The following PAN3 variants were observed in gnomAD, a reference collection of about 807,000 sequenced individuals.
PAN3 encodes poly(A) specific ribonuclease subunit PAN3, also known as PAN2-PAN3 deadenylation complex subunit PAN3.
In PAN3, 19 loss-of-function variants were observed where a neutral mutation model predicts 96.2. The observed-to-expected ratio is 0.20, with a 90% confidence interval of 0.14 to 0.29. The LOEUF (loss-of-function observed/expected upper bound fraction) is 0.29. Ranked by LOEUF, PAN3 falls within the 10% of genes least tolerant of loss-of-function variation. The probability of loss-of-function intolerance (pLI) is 1.00; values close to 1 mark genes in which losing one functional copy is unlikely to be tolerated. For missense variants in PAN3, 882 were observed against 1,108.1 expected (o/e 0.80, Z 2.90); for synonymous variants, 433 against 406.6 (o/e 1.06, Z -0.78).
At position 28,292,434 on chromosome 13, in the gene PAN3, G is replaced by T; in HGVS notation, c.2576G>T (p.Ser859Ile). 6.2e-7 allele frequency: 1 copy of T among 1,611,966 alleles called. No homozygotes were observed. Among genetic ancestry groups the T allele is most frequent in the Non-Finnish European group, 8.5e-7 (1 of 1,179,256 alleles). The change falls in exon 19 of 19, where the codon AGT (serine) becomes ATT (isoleucine). Residue 859 changes from serine (S) to isoleucine (I), a missense_variant. Around this residue, in one of 3 missense-constraint regions of PAN3, gnomAD observed 76 missense variants for 171.7 expected, o/e 0.44. Transcript: ENST00000380958. ...KISLISRDEK[S>I]VLVVTYSDLK... ...AGCCTGATTTCCAGAGATGAGAAGA[G>T]TGTACTTGTGGTGACCTACAGTGAC... is the stretch of plus-strand genomic sequence containing the variant.
intron 1 of PAN3, among the ~76,000 whole-genome samples, chr13:28,143,176 A>C (rs925633611): frequency 2.0e-5 from 3 of 151,512 alleles, no homozygotes; most frequent in Admixed American, 6.6e-5. Flanking sequence ...TTGGACTCCA[A>C]CTCCTGGGCT....
intron 8 of PAN3, 85 bp downstream of exon 8, chr13:28,260,636 C>T: frequency 9.1e-7 from 1 of 1,102,984 alleles, no homozygotes; most frequent in Non-Finnish European, 1.3e-6. Context: ...CTTTTCAAAT[C>T]ATATTATTTA....
chr13:28,286,015 G>A (rs878919257), intron 17 of PAN3, among the ~76,000 whole-genome samples: 1 of 152,078 alleles, frequency 6.6e-6, no homozygotes, highest in Admixed American at 6.5e-5. Flanking sequence ...CTGTCCATTT[G>A]TATTAAAAAT....
intron 1 of PAN3, among the ~76,000 whole-genome samples, chr13:28,170,573 A>G (rs1266829061): frequency 6.6e-6 from 1 of 152,194 alleles, no homozygotes; most frequent in Non-Finnish European, 1.5e-5. Context: ...AAAGCATTTA[A>G]AATCAAAATG....
intron 7 of PAN3, among the ~76,000 whole-genome samples, chr13:28,260,144 C>T (rs959675455): frequency 2.6e-5 from 4 of 151,992 alleles, no homozygotes; most frequent in African/African-American, 9.7e-5. Flanking sequence ...CACCTGTAAT[C>T]CCAGCACTTT....
At chr13:28,221,936 G>A (rs1389312061) in intron 6 of PAN3, among the ~76,000 whole-genome samples, 4 of 152,164 alleles carry the variant, frequency 2.6e-5, no homozygotes, top group South Asian at 4.1e-4. Context: ...AGACTTCTGA[G>A]CAGTGTTGTA....
At chr13:28,148,075 C>T (rs1394760521) in intron 1 of PAN3, among the ~76,000 whole-genome samples, 1 of 151,996 alleles carries the variant, frequency 6.6e-6, no homozygotes, top group East Asian at 1.9e-4. Flanking sequence ...TCTGCCTCAG[C>T]CTCCCAAGTA....
intron 18 of PAN3, among the ~76,000 whole-genome samples, chr13:28,289,073 G>A (rs565986063): frequency 2.0e-5 from 3 of 151,944 alleles, no homozygotes; most frequent in Non-Finnish European, 4.4e-5. Flanking sequence ...TGATCCACCC[G>A]CCTCAGCCTC....
At chr13:28,257,429 A>G (rs913844435) in intron 7 of PAN3, among the ~76,000 whole-genome samples, 1 of 151,670 alleles carries the variant, frequency 6.6e-6, no homozygotes, top group Non-Finnish European at 1.5e-5. Context: ...GAGTCCACTA[A>G]AACAGGGGTC....
chr13:28,224,167 G>A (rs113633931), intron 6 of PAN3, among the ~76,000 whole-genome samples: 2 of 152,156 alleles, frequency 1.3e-5, no homozygotes, highest in Non-Finnish European at 2.9e-5. Flanking sequence ...AACCGCGCCC[G>A]GCCAAAAAGT....
At chr13:28,219,357 G>A (rs780614352) in intron 5 of PAN3, among the ~76,000 whole-genome samples, 22 of 151,630 alleles carry the variant, frequency 1.5e-4, no homozygotes, top group South Asian at 8.3e-4. Flanking sequence ...GATAATACTC[G>A]TTTTGGAGTT....
At chr13:28,246,855 G>A (rs1276375811) in intron 6 of PAN3, among the ~76,000 whole-genome samples, 2 of 151,950 alleles carry the variant, frequency 1.3e-5, no homozygotes, top group Non-Finnish European at 2.9e-5. Context: ...CTGTATCTCG[G>A]CTATTGTGAA....
intron 17 of PAN3, 149 bp from the exon 18 acceptor site, chr13:28,287,835 A>T: frequency 1.7e-6 from 1 of 600,834 alleles, no homozygotes; most frequent in Non-Finnish European, 2.7e-6. Flanking sequence ...TAGTTCAGTT[A>T]GATTATTTTT....
chr13:28,168,614 G>A (rs548012454), intron 1 of PAN3, among the ~76,000 whole-genome samples: 3 of 152,320 alleles, frequency 2.0e-5, no homozygotes, highest in East Asian at 3.9e-4. Context: ...AGTTACTTGG[G>A]AGGCTGAGGC....
At chr13:28,211,166 T>A (rs1444145368) in intron 5 of PAN3, among the ~76,000 whole-genome samples, 1 of 152,156 alleles carries the variant, frequency 6.6e-6, no homozygotes, top group African/African-American at 2.4e-5. Flanking sequence ...CTACCAAAGT[T>A]GTAGGATTAC....
intron 1 of PAN3, among the ~76,000 whole-genome samples, chr13:28,169,050 C>T (rs544806274): frequency 1.6e-4 from 24 of 151,930 alleles, no homozygotes; most frequent in African/African-American, 4.1e-4. Flanking sequence ...ACTATTAGTC[C>T]ATGGAAACAG....
chr13:28,146,282 A>T (rs775257573), intron 1 of PAN3, among the ~76,000 whole-genome samples: 1 of 147,652 alleles, frequency 6.8e-6, no homozygotes, highest in Non-Finnish European at 1.5e-5. Flanking sequence ...AAATATATAT[A>T]TTTTTTCCTC....
At chr13:28,201,329 C>A (rs1239226451) in intron 5 of PAN3, among the ~76,000 whole-genome samples, 4 of 151,780 alleles carry the variant, frequency 2.6e-5, no homozygotes, top group African/African-American at 9.7e-5. Context: ...CAGGTGTGAG[C>A]CACTGTACTG....
At chr13:28,145,884 G>T (rs1035059439) in intron 1 of PAN3, among the ~76,000 whole-genome samples, 2 of 150,186 alleles carry the variant, frequency 1.3e-5, no homozygotes, top group East Asian at 3.9e-4. Flanking sequence ...CTCATGTCTC[G>T]GCCTCCTGAG....
Sources: gnomAD v4.1 joint callset for allele counts (sites outside exome capture counted in the v4.1 genomes callset) on GRCh38, gnomAD v4.1.1 for gene constraint, gnomAD v4.1.1 regional missense constraint, MANE v1.5 for transcripts, NCBI Gene and HGNC (gene_info 2026-07-23, HGNC 2026-07-21) for gene names.